The following SH3PXD2A variants were observed in gnomAD, a reference collection of about 807,000 sequenced individuals.
SH3PXD2A encodes SH3 and PX domains 2A.
A neutral mutation model predicts 115.2 loss-of-function variants in SH3PXD2A; 32 were observed. The observed-to-expected ratio is 0.28, with a 90% confidence interval of 0.21 to 0.37. The LOEUF (loss-of-function observed/expected upper bound fraction) is 0.37. SH3PXD2A is among the 10% of genes least tolerant of loss of function. The pLI, the probability that SH3PXD2A is intolerant of heterozygous loss-of-function variation, is 1.00. For synonymous variants in SH3PXD2A, 610 were observed against 629.1 expected (o/e 0.97, Z 0.45); for missense variants, 1,328 against 1,498.7 (o/e 0.89, Z 1.88).
intron 13 of SH3PXD2A, among the ~76,000 whole-genome samples, chr10:103,608,242 C>CT (rs2036364443): frequency 6.8e-6 from 1 of 147,586 alleles, no homozygotes; most frequent in South Asian, 2.2e-4. Context: ...CTTCCGGAGT[C>CT]CCGGAAGCCG....
intron 2 of SH3PXD2A, among the ~76,000 whole-genome samples, chr10:103,796,053 CT>C (rs1564890985): frequency 6.6e-6 from 1 of 152,094 alleles, no homozygotes; most frequent in African/African-American, 2.4e-5. Flanking sequence ...CCCTAGGCTG[CT>C]GTCACTAATT....
intron 13 of SH3PXD2A, among the ~76,000 whole-genome samples, chr10:103,607,418 G>C (rs558599942): frequency 4.8e-5 from 7 of 146,730 alleles, no homozygotes; most frequent in Non-Finnish European, 1.1e-4. Context: ...GTCAGCCCCC[G>C]CCAGGCCAGC....
At chr10:103,652,118 G>C (rs77417100) in intron 8 of SH3PXD2A, among the ~76,000 whole-genome samples, 1 of 152,248 alleles carries the variant, frequency 6.6e-6, no homozygotes, top group African/African-American at 2.4e-5. Context: ...GGAGGCAAAC[G>C]AACTTTAGCC....
At chr10:103,830,217 G>GT (rs2039470964) in intron 1 of SH3PXD2A, among the ~76,000 whole-genome samples, 1 of 152,240 alleles carries the variant, frequency 6.6e-6, no homozygotes, top group South Asian at 2.1e-4. Context: ...CGGGTTTCTG[G>GT]TCCTATCAGT....
At chr10:103,702,479 A>G (rs1016925191) in intron 5 of SH3PXD2A, among the ~76,000 whole-genome samples, 1 of 152,178 alleles carries the variant, frequency 6.6e-6, no homozygotes, top group African/African-American at 2.4e-5. Context: ...CACTAGAGCT[A>G]GCCCTTGAAA....
rs1322671040 is a variant in SH3PXD2A at position 103,596,853 on chromosome 10, A to G, written c.*4963T>C. The G allele has an allele frequency of 6.6e-6, 1 of 152,498 alleles. No homozygotes were observed. Among genetic ancestry groups the G allele is most frequent in the Admixed American group, 6.6e-5 (1 of 15,266 alleles). 9.4% of individuals were successfully genotyped at this position (152,498 alleles called of 1,614,324 possible). On this transcript the variant is annotated 3_prime_UTR_variant, in exon 15 of 15. Transcript: ENST00000369774. ...GCACAGTCCCATTCCAGGCACAGAG[A>G]TCTGTGTCTGTGCAGAAATTCACCA...
rs2037391556 is a variant in SH3PXD2A at position 103,667,003 on chromosome 10, CTA to C, written c.472+1603_472+1604del. Among the ~76,000 whole-genome samples, 3 of 152,298 alleles carry C rather than the reference CTA, an allele frequency of 2.0e-5. No homozygotes were observed. The South Asian group carries it at 6.2e-4, about 32-fold the overall frequency. Reference sequence around the variant, plus strand: ...AGAGGCAGCTCAGAGCCCCCTGGGCCTACTCTGGGGGGATGCCAGGCTAAGCA... The same window carrying C: ...AGAGGCAGCTCAGAGCCCCCTGGGCCCTCTGGGGGGATGCCAGGCTAAGCA... On this transcript the variant is annotated intron_variant, in intron 7 of 14. Transcript: ENST00000369774.
chr10:103,615,321 A>C (rs368001612), intron 11 of SH3PXD2A, among the ~76,000 whole-genome samples: 5 of 152,360 alleles, frequency 3.3e-5, no homozygotes, highest in Middle Eastern at 3.4e-3. Flanking sequence ...TTCCTTCAGC[A>C]CTACATGGGT....
intron 12 of SH3PXD2A, among the ~76,000 whole-genome samples, chr10:103,612,620 G>A (rs1192488465): frequency 6.6e-6 from 1 of 152,204 alleles, no homozygotes; most frequent in African/African-American, 2.4e-5. Flanking sequence ...ACATCCTCAT[G>A]TGATCTAGCT....
intron 1 of SH3PXD2A, among the ~76,000 whole-genome samples, chr10:103,821,914 T>C (rs1393454685): frequency 6.6e-6 from 1 of 151,416 alleles, no homozygotes; most frequent in African/African-American, 2.4e-5. Context: ...TTTTTCTTTT[T>C]TTTTTTTGAG....
chr10:103,755,696 C>A (rs2038632703), intron 3 of SH3PXD2A, among the ~76,000 whole-genome samples: 1 of 152,134 alleles, frequency 6.6e-6, no homozygotes, highest in African/African-American at 2.4e-5. Context: ...AGTAGAAAGC[C>A]CAGGTATGAA....
chr10:103,647,260 C>T (rs1187573413), intron 8 of SH3PXD2A, among the ~76,000 whole-genome samples: 1 of 152,154 alleles, frequency 6.6e-6, no homozygotes, highest in African/African-American at 2.4e-5. Flanking sequence ...TTGGATGTCT[C>T]CGTCCCTCAA....
At chr10:103,685,808 A>G (rs1009674765) in intron 6 of SH3PXD2A, among the ~76,000 whole-genome samples, 3 of 152,244 alleles carry the variant, frequency 2.0e-5, no homozygotes, top group African/African-American at 7.2e-5. Context: ...TTCTGGCTCC[A>G]GAGTCCACGT....
chr10:103,708,991 G>T (rs1243879947), intron 5 of SH3PXD2A, among the ~76,000 whole-genome samples: 4 of 151,858 alleles, frequency 2.6e-5, no homozygotes, highest in Non-Finnish European at 4.4e-5. Flanking sequence ...GGTGCCCCTG[G>T]CAATTAACCT....
At chr10:103,810,905 T>G (rs1389951700) in intron 1 of SH3PXD2A, among the ~76,000 whole-genome samples, 4 of 75,118 alleles carry the variant, frequency 5.3e-5, no homozygotes, top group Admixed American at 1.4e-4. Context: ...CACAGAAACA[T>G]GGACACACAC....
intron 2 of SH3PXD2A, among the ~76,000 whole-genome samples, chr10:103,799,345 T>G (rs1325023521): frequency 6.6e-6 from 1 of 152,244 alleles, no homozygotes; most frequent in African/African-American, 2.4e-5. Flanking sequence ...TAAAATGGGT[T>G]CGTAAAGATG....
intron 5 of SH3PXD2A, 82 bp downstream of exon 5, chr10:103,724,188 C>A: frequency 1.6e-6 from 1 of 643,358 alleles, no homozygotes; most frequent in Admixed American, 4.1e-5. Flanking sequence ...CTTGTGTTCC[C>A]ACAGCCTCAG....
At position 103,767,144 on chromosome 10, in the gene SH3PXD2A, A is replaced by G. The variant is rs1337528700; in HGVS notation, c.179T>C (p.Ile60Thr). The change falls in exon 3 of 15, where the codon ATT becomes ACT. Residue 60 changes from isoleucine (I) to threonine (T), a missense_variant. Ile to Thr is a moderately conservative substitution (Grantham distance 89). Transcript: ENST00000369774. ...LQMQLLDKFP[I>T]EGGQKDPKQR... The stretch of plus-strand genomic sequence containing the variant: ...CTTGGGGTCCTTCTGGCCACCTTCA[A>G]TGGGAAACTTATCCAAAAGCTGCAT... The G allele has an allele frequency of 1.1e-5, 18 of 1,614,016 alleles. No individual in the cohort carries two copies. The highest frequency in any genetic ancestry group is 4.0e-5 in the African/African-American group (3 of 75,038).
Position 103,665,697 on chromosome 10 carries a change from G to A in SH3PXD2A, c.472+2911C>T, listed in dbSNP as rs112048796. Reference sequence around the variant, plus strand: ...ACCACTTGCAGGCCAGGCAGGCAGTGGGCGGTGATGTCATCCCACAGAGGC... The same window carrying A: ...ACCACTTGCAGGCCAGGCAGGCAGTAGGCGGTGATGTCATCCCACAGAGGC... On this transcript the variant is annotated intron_variant, in intron 7 of 14. Coordinates refer to ENST00000369774, the MANE Select transcript of SH3PXD2A (RefSeq NM_001394015.1). This position sits in a 1 kb window ranked among gnomAD's most constrained non-coding sequence, Gnocchi z 4.0. 4.6e-3 allele frequency among the ~76,000 whole-genome samples: 702 copies of A among 152,328 alleles called. 6 individuals carry two copies. Among genetic ancestry groups the A allele is most frequent in the African/African-American group, 0.016 (650 of 41,580 alleles).
Sources: gnomAD v4.1 joint callset for allele counts (sites outside exome capture counted in the v4.1 genomes callset) on GRCh38, gnomAD v4.1.1 for gene constraint, Gnocchi (gnomAD v3.1) non-coding constraint, MANE v1.5 for transcripts, NCBI Gene and HGNC (gene_info 2026-07-23, HGNC 2026-07-21) for gene names.